The following CDH23 variants were observed in gnomAD, a reference collection of about 807,000 sequenced individuals.
CDH23 encodes the protein cadherin related 23, also known as cadherin-23.
A neutral mutation model predicts 317.1 loss-of-function variants in CDH23; 189 were observed. The observed-to-expected ratio is 0.60, with a 90% CI of 0.53 to 0.67. The LOEUF (loss-of-function observed/expected upper bound fraction) is 0.67. Among genes scored for constraint, CDH23 ranks in the 30% least tolerant of loss-of-function variants. CDH23 has a pLI of 0.00. For synonymous variants in CDH23, 1,839 were observed against 1,876.8 expected (o/e 0.98, Z 0.52); for missense variants, 4,401 against 4,592.4 (o/e 0.96, Z 1.20).
At chr10:71,777,274 A>G (rs942986305) in intron 38 of CDH23, among the ~76,000 whole-genome samples, 14 of 152,374 alleles carry the variant, frequency 9.2e-5, no homozygotes, top group Admixed American at 3.3e-4. Context: ...GGCAGGACAT[A>G]TAGGCTCAAT....
intron 34 of CDH23, among the ~76,000 whole-genome samples, chr10:71,736,484 G>T (rs1839569349): frequency 1.3e-5 from 2 of 152,220 alleles, no homozygotes; most frequent in Admixed American, 1.3e-4. Flanking sequence ...GCATGGCTCT[G>T]CTATAAGAGC....
At chr10:71,426,888 G>A (rs959160010) in intron 1 of CDH23, among the ~76,000 whole-genome samples, 1 of 152,074 alleles carries the variant, frequency 6.6e-6, no homozygotes, top group Non-Finnish European at 1.5e-5. Context: ...GCTCACACCT[G>A]TAATCCTAGC....
At chr10:71,716,398 G>A (rs1020059581) in intron 28 of CDH23, 31 of 1,402,964 alleles carry the variant, frequency 2.2e-5, no homozygotes, top group South Asian at 3.0e-5. Context: ...CCAGGGCAGC[G>A]GGTATAGGGA....
intron 3 of CDH23, among the ~76,000 whole-genome samples, chr10:71,460,426 G>A (rs1020767160): frequency 6.6e-6 from 1 of 152,274 alleles, no homozygotes; most frequent in Non-Finnish European, 1.5e-5. Flanking sequence ...TGTGCGGCGG[G>A]AACCCGCACA....
At position 71,731,989 on chromosome 10, in the gene CDH23, G is replaced by T. The variant is rs975836593; in HGVS notation, c.3718G>T (p.Asp1240Tyr). The T allele has an allele frequency of 1.2e-6, 2 of 1,613,278 alleles. No individual in the cohort carries two copies. The highest frequency in any genetic ancestry group is 1.7e-5 in the Admixed American group (1 of 59,976). ...ACAGCCTCTGTGTCCTCCTACAGGG[G>T]ATGGTGGCCTGGTGAACTACCGCAT... ...VVQATDRDSG[D>Y]GGLVNYRILS... is the part of the protein sequence containing the mutation. The change falls in exon 32 of 70, where the codon GAT (aspartate) becomes TAT (tyrosine). Residue 1240 changes from aspartate to tyrosine, a missense_variant and splice_region_variant. Physicochemically the swap from Asp to Tyr is radical, Grantham distance 160. Transcript: ENST00000224721.
intron 6 of CDH23, among the ~76,000 whole-genome samples, chr10:71,514,894 C>A (rs1854196629): frequency 6.6e-6 from 1 of 152,174 alleles, no homozygotes; most frequent in Non-Finnish European, 1.5e-5. Context: ...CTGTAATAGA[C>A]TTTTATGGCG....
Position 71,798,496 on chromosome 10 carries a change from C to T in CDH23, c.6972C>T (p.Asp2324=). 6.2e-7 allele frequency: 1 copy of T among 1,613,992 alleles called. No homozygotes were observed. Among genetic ancestry groups the T allele is most frequent in the Non-Finnish European group, 8.5e-7 (1 of 1,179,868 alleles). Residue 2324 remains aspartate, a synonymous_variant, in exon 50 of 70, where the codon GAC becomes GAT. Transcript: ENST00000224721. ...TLIAVAAVDP[D]KGLNGLVTYT... is the part of the protein sequence containing the mutation. ...TTGCTGTGGCAGCCGTGGACCCTGA[C>T]AAGGGCCTTAATGGGCTGGTCACCT...
intron 1 of CDH23, among the ~76,000 whole-genome samples, chr10:71,400,399 G>A (rs1255585436): frequency 6.6e-6 from 1 of 150,716 alleles, no homozygotes; most frequent in African/African-American, 2.5e-5. Flanking sequence ...TCTGCCAGGG[G>A]ACAAGGTGAT....
At position 71,777,646 on chromosome 10, in the gene CDH23, C is replaced by A. The variant is rs1840845917; in HGVS notation, c.4846-34C>A. 1.9e-6 allele frequency: 3 copies of A among 1,574,860 alleles called. No individual in the cohort carries two copies. In the East Asian group the frequency reaches 7.0e-5, roughly 37 times the overall value. ...GGATCCACCTTGGTCCCTCTGGCCA[C>A]CTGACCAAGGACGTGACCCACTCTT... On this transcript the variant is annotated intron_variant, in intron 38 of 69. Transcript: ENST00000224721.
At chr10:71,759,914 C>CATATACACACACACACAT (rs1564779319) in intron 38 of CDH23, among the ~76,000 whole-genome samples, 1 of 56,818 alleles carries the variant, frequency 1.8e-5, no homozygotes, top group Non-Finnish European at 4.5e-5. Flanking sequence ...TACACACACA[C>CATATACACACACACACAT]ATATATACAC....
chr10:71,688,588 T>G, intron 19 of CDH23, among the ~76,000 whole-genome samples: 1 of 127,702 alleles, frequency 7.8e-6, no homozygotes, highest in Non-Finnish European at 1.7e-5. Flanking sequence ...GAGTCAGGGG[T>G]GGTGGAGTCA....
rs144906721 is a variant in CDH23 at position 71,812,600 on chromosome 10, G to A, written c.9501G>A (p.Thr3167=). ...TCGCCGACCTGTGGAACAGCCCCACGCGCACCCATGTGAGCCAGAGGCGGT... is the reference window on the plus strand; with the variant it reads ...TCGCCGACCTGTGGAACAGCCCCACACGCACCCATGTGAGCCAGAGGCGGT... The part of the protein sequence containing the change: ...SEIADLWNSP[T]RTHGTFGREP... The change falls in exon 67 of 70, where the codon ACG becomes ACA. Residue 3167 remains threonine (T), a synonymous_variant. Transcript: ENST00000224721. The A allele has an allele frequency of 5.6e-4, 899 of 1,613,896 alleles. 6 individuals are homozygous for A. The African/African-American group carries it at 0.01, about 18-fold the overall frequency.
At chr10:71,789,649 G>A (rs1252382230) in intron 45 of CDH23, among the ~76,000 whole-genome samples, 1 of 152,202 alleles carries the variant, frequency 6.6e-6, no homozygotes, top group Admixed American at 6.5e-5. Context: ...CTGTCTGTGT[G>A]TATGCTCACA....
At chr10:71,670,736 G>A (rs1174827781) in intron 14 of CDH23, among the ~76,000 whole-genome samples, 5 of 152,184 alleles carry the variant, frequency 3.3e-5, no homozygotes, top group African/African-American at 1.2e-4. Flanking sequence ...AGCCATTGAA[G>A]GATTTTGGGC....
At chr10:71,644,910 C>T (rs187892806) in intron 12 of CDH23, among the ~76,000 whole-genome samples, 115 of 152,316 alleles carry the variant, frequency 7.6e-4, no homozygotes, top group African/African-American at 2.7e-3. Flanking sequence ...CGCAGGTGAT[C>T]CCCTTGCCCC....
At chr10:71,623,788 T>A (rs2132535362) in intron 11 of CDH23, among the ~76,000 whole-genome samples, 1 of 152,300 alleles carries the variant, frequency 6.6e-6, no homozygotes, top group South Asian at 2.1e-4. Flanking sequence ...CCCAGGACAC[T>A]GAGTTGGCCC....
At chr10:71,521,789 A>T (rs1193215235) in intron 6 of CDH23, among the ~76,000 whole-genome samples, 1 of 152,198 alleles carries the variant, frequency 6.6e-6, no homozygotes, top group Non-Finnish European at 1.5e-5. Flanking sequence ...ATTTGGAGGC[A>T]CAAGTCTCTG....
chr10:71,576,262 G>T (rs1271885701), intron 8 of CDH23, among the ~76,000 whole-genome samples: 1 of 152,218 alleles, frequency 6.6e-6, no homozygotes. Flanking sequence ...TTGCCCCTGA[G>T]TACTGCTTAG....
At chr10:71,459,031 C>T (rs983018228) in intron 3 of CDH23, among the ~76,000 whole-genome samples, 11 of 151,096 alleles carry the variant, frequency 7.3e-5, no homozygotes, top group African/African-American at 1.2e-4. Context: ...GTGATCCAGC[C>T]CGCCCTGGCC....
Sources: gnomAD v4.1 joint callset for allele counts (sites outside exome capture counted in the v4.1 genomes callset) on GRCh38, gnomAD v4.1.1 for gene constraint, MANE v1.5 for transcripts, NCBI Gene and HGNC (gene_info 2026-07-23, HGNC 2026-07-21) for gene names.